The following PDS5B variants were observed in gnomAD, a reference collection of about 807,000 sequenced individuals.
PDS5B encodes PDS5 cohesin associated factor B, also known as sister chromatid cohesion protein PDS5 homolog B.
PDS5B carries 51 observed loss-of-function variants against 184.1 expected under a neutral mutation model. That is an observed-to-expected ratio of 0.28 (90% CI 0.22 to 0.35). The LOEUF (loss-of-function observed/expected upper bound fraction) is 0.35. PDS5B is among the 10% of genes least tolerant of loss of function. The probability of loss-of-function intolerance (pLI) is 1.00; values close to 1 mark genes in which losing one functional copy is unlikely to be tolerated. For missense variants in PDS5B, 1,180 were observed against 1,723.3 expected, an observed-to-expected ratio of 0.68 and a Z score of 5.58; for synonymous variants, 566 against 569.2, an observed-to-expected ratio of 0.99 and a Z score of 0.08.
At chr13:32,755,334 A>G (rs1266294874) in intron 25 of PDS5B, among the ~76,000 whole-genome samples, 1 of 152,096 alleles carries the variant, frequency 6.6e-6, no homozygotes, top group African/African-American at 2.4e-5. Context: ...ATGCCCTAGA[A>G]ACTCTTAAGT....
chr13:32,670,189 G>T (rs540855793), intron 7 of PDS5B, among the ~76,000 whole-genome samples: 1 of 151,732 alleles, frequency 6.6e-6, no homozygotes, highest in East Asian at 1.9e-4. Flanking sequence ...AATCACTGTG[G>T]TGGTATAGGT....
At chr13:32,604,065 A>C (rs1026967333) in intron 1 of PDS5B, among the ~76,000 whole-genome samples, 20 of 152,156 alleles carry the variant, frequency 1.3e-4, no homozygotes, top group Non-Finnish European at 2.8e-4. Context: ...AATACACTTT[A>C]TTTCTTTCTC....
chr13:32,587,753 A>G (rs1482076344), intron 1 of PDS5B, among the ~76,000 whole-genome samples: 1 of 152,220 alleles, frequency 6.6e-6, no homozygotes, highest in Non-Finnish European at 1.5e-5. Context: ...TGTCGAAGAA[A>G]GTGCTTCTCG....
intron 24 of PDS5B, among the ~76,000 whole-genome samples, chr13:32,750,408 G>A (rs1269963886): frequency 2.6e-5 from 4 of 152,036 alleles, no homozygotes; most frequent in African/African-American, 7.2e-5. Flanking sequence ...AATCTATAAC[G>A]GAGACTCCTC....
In PDS5B at chr13:32,663,446, CATT is replaced by C. The variant is rs530372014; in HGVS notation, c.624+4169_624+4171del. On this transcript the variant is annotated intron_variant, in intron 6 of 34. Coordinates refer to ENST00000315596, the MANE Select transcript of PDS5B (RefSeq NM_015032.4). ...TTTTAGGAATACAAGGATGGATTAA[CATT>C]ATGTTAGTGATAGACTAAGATACTT... 4.4e-4 allele frequency among the ~76,000 whole-genome samples: 67 copies of C among 151,834 alleles called. No individual in the cohort carries two copies. In the East Asian group the frequency reaches 0.01, roughly 23 times the overall value.
intron 6 of PDS5B, among the ~76,000 whole-genome samples, chr13:32,666,863 A>G (rs1346808213): frequency 6.6e-6 from 1 of 152,212 alleles, no homozygotes; most frequent in East Asian, 1.9e-4. Flanking sequence ...AAAAATAAAT[A>G]AAAGCAAGAC....
chr13:32,663,258 A>G (rs1007357273), intron 6 of PDS5B, among the ~76,000 whole-genome samples: 2 of 152,090 alleles, frequency 1.3e-5, no homozygotes, highest in African/African-American at 2.4e-5. Flanking sequence ...GATTATAGAA[A>G]GGACTACTCC....
intron 18 of PDS5B, among the ~76,000 whole-genome samples, chr13:32,708,206 G>A (rs1030960677): frequency 5.3e-5 from 8 of 152,168 alleles, no homozygotes; most frequent in Non-Finnish European, 1.0e-4. Context: ...AGTCATAGAG[G>A]TGTATGTAAC....
chr13:32,666,574 G>T (rs1443985570), intron 6 of PDS5B, among the ~76,000 whole-genome samples: 3 of 150,098 alleles, frequency 2.0e-5, no homozygotes, highest in African/African-American at 7.4e-5. Flanking sequence ...TGTATCCCCA[G>T]AATAAGCATA....
chr13:32,658,549 A>G lies in PDS5B; in HGVS notation c.497+18A>G. Reference sequence around the variant, plus strand: ...GTTATAAAGTAAGTTTATTTTATTAAGTATGTAACATTAAAAAAAGGTAAC... The same window carrying G: ...GTTATAAAGTAAGTTTATTTTATTAGGTATGTAACATTAAAAAAAGGTAAC... On this transcript the variant is annotated intron_variant, in intron 5 of 34. Coordinates refer to ENST00000315596, the MANE Select transcript of PDS5B (RefSeq NM_015032.4). 1 of 1,237,280 alleles carries G rather than the reference A, an allele frequency of 8.1e-7. No individual in the cohort carries two copies. The highest frequency in any genetic ancestry group is 1.1e-6 in the Non-Finnish European group (1 of 874,436). The allele number at this position is 1,237,280 out of a possible 1,614,324, so 76.6% of individuals were successfully genotyped here.
intron 11 of PDS5B, among the ~76,000 whole-genome samples, chr13:32,684,498 G>T (rs951903623): frequency 6.6e-6 from 1 of 152,164 alleles, no homozygotes; most frequent in Non-Finnish European, 1.5e-5. Flanking sequence ...CATGCTTCTA[G>T]CCTATTTTCT....
intron 17 of PDS5B, among the ~76,000 whole-genome samples, chr13:32,704,885 T>C (rs1255601575): frequency 6.6e-6 from 1 of 152,196 alleles, no homozygotes; most frequent in Non-Finnish European, 1.5e-5. Context: ...AGATTTCCCC[T>C]CTCTGTTTTT....
At chr13:32,601,558 A>G (rs1312363326) in intron 1 of PDS5B, among the ~76,000 whole-genome samples, 1 of 152,260 alleles carries the variant, frequency 6.6e-6, no homozygotes, top group African/African-American at 2.4e-5. Flanking sequence ...ACATGGTACC[A>G]GGTGATACTG....
chr13:32,683,795 G>T (rs895594368), intron 10 of PDS5B, 83 bp from the exon 11 acceptor site: 11 of 857,762 alleles, frequency 1.3e-5, no homozygotes, highest in African/African-American at 1.2e-4. Flanking sequence ...TTTTGCTAGG[G>T]CTTATTTTCA....
At chr13:32,663,264 A>G (rs1023406605) in intron 6 of PDS5B, among the ~76,000 whole-genome samples, 24 of 151,844 alleles carry the variant, frequency 1.6e-4, no homozygotes, top group Non-Finnish European at 3.1e-4. Flanking sequence ...AGAAAGGACT[A>G]CTCCATAACT....
At chr13:32,597,607 G>A (rs1313897015) in intron 1 of PDS5B, among the ~76,000 whole-genome samples, 2 of 151,896 alleles carry the variant, frequency 1.3e-5, no homozygotes, top group South Asian at 2.1e-4. Flanking sequence ...CGAGGGGGGG[G>A]CGGCAGGGGG....
chr13:32,616,100 C>G (rs1026125437), intron 1 of PDS5B, among the ~76,000 whole-genome samples: 2 of 151,720 alleles, frequency 1.3e-5, no homozygotes, highest in Non-Finnish European at 2.9e-5. Context: ...GGTGCCCAGG[C>G]TGGAGTGCAA....
chr13:32,676,654 G>A (rs181047065), intron 9 of PDS5B, among the ~76,000 whole-genome samples: 22 of 152,194 alleles, frequency 1.4e-4, no homozygotes, highest in East Asian at 1.2e-3. Flanking sequence ...AGATCTGGCC[G>A]GGCGCGGTGG....
chr13:32,699,120 G>A (rs926283138), intron 15 of PDS5B, among the ~76,000 whole-genome samples: 3 of 152,166 alleles, frequency 2.0e-5, no homozygotes, highest in African/African-American at 7.2e-5. Context: ...CACAGTCAAC[G>A]TTTTATTAGC....
Sources: allele counts gnomAD v4.1 joint callset (sites outside exome capture counted in the v4.1 genomes callset), GRCh38; gene constraint gnomAD v4.1.1; transcripts MANE v1.5; gene names NCBI Gene and HGNC (gene_info 2026-07-23, HGNC 2026-07-21).